ERF: variants seen among roughly 807,000 people sequenced by gnomAD.
ERF encodes the protein ETS2 repressor factor.
In ERF, 10 loss-of-function variants were observed where a neutral mutation model predicts 41.6. That is an observed-to-expected ratio of 0.24 (90% confidence interval 0.15 to 0.41). The LOEUF (loss-of-function observed/expected upper bound fraction) is 0.41, where lower values mean the gene tolerates loss of function less well. ERF is among the 10% of genes least tolerant of loss of function. ERF has a pLI of 1.00. For synonymous variants in ERF, 395 were observed against 342.4 expected, an observed-to-expected ratio of 1.15 and a Z score of -1.70; for missense variants, 621 against 763.2, an observed-to-expected ratio of 0.81 and a Z score of 2.19.
chr19:42,252,731 G>T (rs1026914265), intron 1 of ERF, among the ~76,000 whole-genome samples: 7 of 152,176 alleles, frequency 4.6e-5, no homozygotes, highest in Non-Finnish European at 7.4e-5. Context: ...CGGCTTTGGG[G>T]GGGGGAGAAT....
At chr19:42,254,650 A>G (rs947694319) in intron 1 of ERF, 1 of 203,242 alleles carries the variant, frequency 4.9e-6, no homozygotes, top group Non-Finnish European at 9.9e-6. Flanking sequence ...CCCGGCCCCC[A>G]GAGTGCAACG....
In ERF at chr19:42,247,644, A is replaced by G. The variant is rs1251842089; in HGVS notation, c.*821T>C. 1 of 151,354 alleles carries G rather than the reference A, an allele frequency of 6.6e-6. No individual in the cohort carries two copies. Among genetic ancestry groups the G allele is most frequent in the African/African-American group, 2.4e-5 (1 of 41,036 alleles). 9.4% of individuals were successfully genotyped at this position (151,354 alleles called of 1,614,324 possible). A position where few individuals can be genotyped will look rare whatever the true frequency, so the allele number is the denominator to read the frequency against. On this transcript the variant is annotated 3_prime_UTR_variant, in exon 4 of 4. Transcript: ENST00000222329. ...CTACTCCCCCCACCCTCAGTCCCCA[A>G]TACAGAATAAGGCTTGACCACAGCC... is the stretch of plus-strand genomic sequence containing the variant.
At chr19:42,252,966 G>C (rs962435491) in intron 1 of ERF, among the ~76,000 whole-genome samples, 1 of 152,158 alleles carries the variant, frequency 6.6e-6, no homozygotes, top group Non-Finnish European at 1.5e-5. Flanking sequence ...GGAGAGAGGG[G>C]TTCAGGAGAC....
rs2036350698 is a variant in ERF, at chr19:42,247,691, C to T, written c.*774G>A. On this transcript the variant is annotated 3_prime_UTR_variant, in exon 4 of 4. Coordinates refer to ENST00000222329, the MANE Select transcript of ERF (RefSeq NM_006494.4). ...AGCCCCCCACCCCACCCCAGAGGCC[C>T]CAGCTGGGAGGCAGAGGGGGCTTCC... The T allele has an allele frequency of 1.3e-5, 2 of 152,018 alleles. No individual in the cohort carries two copies. Among genetic ancestry groups the T allele is most frequent in the South Asian group, 2.1e-4 (1 of 4,786 alleles). 9.4% of individuals were successfully genotyped at this position (152,018 alleles called of 1,614,324 possible).
In ERF at chr19:42,250,076, G is replaced by C. The variant is rs2036418757; in HGVS notation, c.258-134C>G. On this transcript the variant is annotated intron_variant, in intron 2 of 3. Coordinates refer to ENST00000222329, the MANE Select transcript of ERF (RefSeq NM_006494.4). The surrounding 1 kb of genome is among the most constrained non-coding windows in gnomAD (Gnocchi z 5.1). ...GTAGGCCACAAAAGACAAATCAAGT[G>C]CCCAGAGGGTGGGTACCAGCTCTCT... 1.1e-6 allele frequency: 1 copy of C among 912,492 alleles called. No individual in the cohort carries two copies. The highest frequency in any genetic ancestry group is 1.8e-6 in the Non-Finnish European group (1 of 568,170). The allele number at this position is 912,492 out of a possible 1,614,324, so 56.5% of individuals were successfully genotyped here.
At position 42,248,941 on chromosome 19, in the gene ERF, C is replaced by G; in HGVS notation, c.1171G>C (p.Ala391Pro). Residue 391 changes from alanine to proline, a missense_variant, in exon 4 of 4, where the codon GCT (alanine) becomes CCT (proline). Ala to Pro is a conservative substitution (Grantham distance 27). Around this residue, in one of 3 missense-constraint regions of ERF, gnomAD observed 569 missense variants for 625.5 expected, o/e 0.91. Coordinates refer to ENST00000222329, the MANE Select transcript of ERF (RefSeq NM_006494.4). This position sits in a 1 kb window ranked among gnomAD's most constrained non-coding sequence, Gnocchi z 4.2. ...PPPLGRRQRA[A>P]GEKAVAGADK... ...GCACCGGCTACGGCCTTCTCCCCAG[C>G]TGCCCGCTGCCGGCGTCCGAGTGGG... The G allele has an allele frequency of 6.2e-7, 1 of 1,606,352 alleles. No individual in the cohort carries two copies. Among genetic ancestry groups the G allele is most frequent in the South Asian group, 1.1e-5 (1 of 91,066 alleles).
chr19:42,251,300 C>T, intron 1 of ERF: 1 of 986,178 alleles, frequency 1.0e-6, no homozygotes, highest in Non-Finnish European at 1.2e-6. Context: ...CTTGAGCAGG[C>T]ACCCTGGAGC....
At chr19:42,253,013 G>C (rs1346063960) in intron 1 of ERF, among the ~76,000 whole-genome samples, 1 of 152,198 alleles carries the variant, frequency 6.6e-6, no homozygotes, top group Non-Finnish European at 1.5e-5. Context: ...CAGTCAGACA[G>C]CAAGGGCTGG....
chr19:42,253,861 C>T, intron 1 of ERF: 3 of 947,628 alleles, frequency 3.2e-6, no homozygotes, highest in South Asian at 3.0e-5. Context: ...GGAGCCCGAG[C>T]CGCCGCCGCC....
chr19:42,250,402 C>T lies in ERF; in HGVS notation c.186G>A (p.Glu62=). ...YGEFVIKDPD[E]VARLWGVRKC... ...TGCGAACGCCCCACAGCCGGGCCAC[C>T]TCATCAGGGTCTTTGATGACGAATT... Residue 62 remains glutamate, a synonymous_variant, in exon 2 of 4, where the codon GAG becomes GAA. Coordinates refer to ENST00000222329, the MANE Select transcript of ERF (RefSeq NM_006494.4). This position sits in a 1 kb window ranked among gnomAD's most constrained non-coding sequence, Gnocchi z 5.1. The T allele has an allele frequency of 6.2e-7, 1 of 1,613,858 alleles. No homozygotes were observed. Among genetic ancestry groups the T allele is most frequent in the Non-Finnish European group, 8.5e-7 (1 of 1,180,036 alleles).
At position 42,253,786 on chromosome 19, in the gene ERF, G is replaced by A. The variant is rs1353182773; in HGVS notation, c.22+1192C>T. On this transcript the variant is annotated intron_variant, in intron 1 of 3. Coordinates refer to ENST00000222329, the MANE Select transcript of ERF (RefSeq NM_006494.4). ...CGAGCAGGGGGATGGGGATGGGAAT[G>A]GGGTGGGAATGGGGTGGGGATGGGG... 5 of 678,102 alleles carry A rather than the reference G, an allele frequency of 7.4e-6. No homozygotes were observed. The East Asian group carries it at 4.3e-4, about 58-fold the overall frequency. The allele number at this position is 678,102 out of a possible 1,614,324, so 42.0% of individuals were successfully genotyped here.
chr19:42,253,334 T>TG (rs1361620334), intron 1 of ERF, among the ~76,000 whole-genome samples: 1 of 151,974 alleles, frequency 6.6e-6, no homozygotes, highest in African/African-American at 2.4e-5. Flanking sequence ...GAGAACTGGA[T>TG]GGAGGGGTGC....
chr19:42,249,005 A>G lies in ERF; in HGVS notation c.1107T>C (p.Ser369=). 1 of 1,609,900 alleles carries G rather than the reference A, an allele frequency of 6.2e-7. No homozygotes were observed. The highest frequency in any genetic ancestry group is 1.3e-5 in the African/African-American group (1 of 75,036). The part of the protein sequence containing the change: ...PVPSSASSSS[S]SSSSPFKFKL... ...TAAACTTGAATGGGGAGGAAGAAGA[A>G]GAAGAGGATGACGAGGCCGAGGAGG... is the stretch of plus-strand genomic sequence containing the variant. Residue 369 remains serine (S), a synonymous_variant, in exon 4 of 4, where the codon TCT becomes TCC. Coordinates refer to ENST00000222329, the MANE Select transcript of ERF (RefSeq NM_006494.4). The surrounding 1 kb of genome is among the most constrained non-coding windows in gnomAD (Gnocchi z 8.6).
chr19:42,248,990 T>C lies in ERF; in HGVS notation c.1122A>G (p.Pro374=). ...GGGGCGGCTGGAGCTTAAACTTGAATGGGGAGGAAGAAGAAGAAGAGGATG... is the reference window on the plus strand; with the variant it reads ...GGGGCGGCTGGAGCTTAAACTTGAACGGGGAGGAAGAAGAAGAAGAGGATG... The part of the protein sequence containing the change: ...ASSSSSSSSS[P]FKFKLQPPPL... Residue 374 remains proline, a synonymous_variant, in exon 4 of 4, where the codon CCA becomes CCG. Transcript: ENST00000222329. The surrounding 1 kb of genome is among the most constrained non-coding windows in gnomAD (Gnocchi z 4.2). The C allele has an allele frequency of 6.2e-7, 1 of 1,608,314 alleles. No individual in the cohort carries two copies. The highest frequency in any genetic ancestry group is 8.5e-7 in the Non-Finnish European group (1 of 1,179,334).
rs2036414724 is a variant in ERF, at chr19:42,249,856, T to C, written c.344A>G (p.Asn115Ser). Residue 115 changes from asparagine (N) to serine (S), a missense_variant, in exon 3 of 4, where the codon AAT becomes AGT. By Grantham distance (46) the Asn-to-Ser change is conservative (BLOSUM62 1). Transcript: ENST00000222329. The surrounding 1 kb of genome is among the most constrained non-coding windows in gnomAD (Gnocchi z 8.6). ...KFNFNKLVLV[N>S]YPFIDVGLAG... ...CAACCCCACATCAATGAATGGGTAA[T>C]TGACCAGCACCAGTTTGTTGAAATT... is the stretch of plus-strand genomic sequence containing the variant. 6.8e-6 allele frequency: 11 copies of C among 1,614,140 alleles called. No homozygotes were observed. Among genetic ancestry groups the C allele is most frequent in the Non-Finnish European group, 9.3e-6 (11 of 1,180,010 alleles).
At position 42,249,574 on chromosome 19, in the gene ERF, G is replaced by A. The variant is rs770334700; in HGVS notation, c.538C>T (p.Arg180Cys). The change falls in exon 4 of 4, where the codon CGC becomes TGC. Residue 180 changes from arginine to cysteine, a missense_variant. Transcript: ENST00000222329. The surrounding 1 kb of genome is among the most constrained non-coding windows in gnomAD (Gnocchi z 8.6). ...TCACTGACTGAGCCTCGGCCCAGGC[G>A]GCGGGCCACCACAGCCGAGAAGAGG... is the stretch of plus-strand genomic sequence containing the variant. ...SSLFSAVVARRLGRGSVSDCS... is the reference protein window; with the variant it reads ...SSLFSAVVARCLGRGSVSDCS... 6.2e-7 allele frequency: 1 copy of A among 1,613,560 alleles called. No individual in the cohort carries two copies. Among genetic ancestry groups the A allele is most frequent in the East Asian group, 2.2e-5 (1 of 44,880 alleles).
chr19:42,254,490 C>A (rs896123549), intron 1 of ERF: 1 of 153,396 alleles, frequency 6.5e-6, no homozygotes, highest in Admixed American at 6.5e-5. Flanking sequence ...TCCCGGGCTC[C>A]CCACTCACGC....
At chr19:42,252,507 G>A (rs1176565336) in intron 1 of ERF, among the ~76,000 whole-genome samples, 1 of 152,186 alleles carries the variant, frequency 6.6e-6, no homozygotes, top group Non-Finnish European at 1.5e-5. Flanking sequence ...CAACACAAAG[G>A]GAACTCGGAA....
intron 1 of ERF, among the ~76,000 whole-genome samples, chr19:42,252,712 G>A (rs1008446864): frequency 6.6e-6 from 1 of 152,054 alleles, no homozygotes; most frequent in Non-Finnish European, 1.5e-5. Context: ...ATACATGAAG[G>A]CCTGTTCCCG....
Sources: allele counts gnomAD v4.1 joint callset (sites outside exome capture counted in the v4.1 genomes callset), GRCh38; gene constraint gnomAD v4.1.1; regional missense constraint gnomAD v4.1.1; non-coding constraint Gnocchi (gnomAD v3.1); transcripts MANE v1.5; gene names NCBI Gene and HGNC (gene_info 2026-07-23, HGNC 2026-07-21).